The following NR6A1 variants were observed in gnomAD, a reference collection of about 807,000 sequenced individuals.
The protein encoded by NR6A1 is nuclear receptor subfamily 6 group A member 1, also known as retinoic acid receptor-related testis-associated receptor.
A neutral mutation model predicts 59.1 loss-of-function variants in NR6A1; 7 were observed. That is an observed-to-expected ratio of 0.12 (90% confidence interval 0.07 to 0.22). The LOEUF (loss-of-function observed/expected upper bound fraction) is 0.22. Among genes scored for constraint, NR6A1 ranks in the 10% least tolerant of loss-of-function variants. The probability of loss-of-function intolerance (pLI) is 1.00; values close to 1 mark genes in which losing one functional copy is unlikely to be tolerated. For missense variants in NR6A1, 468 were observed against 611.6 expected (o/e 0.77, Z 2.48); for synonymous variants, 243 against 236.1 (o/e 1.03, Z -0.27).
intron 2 of NR6A1, among the ~76,000 whole-genome samples, chr9:124,579,706 T>TC (rs1834705761): frequency 6.6e-6 from 1 of 152,158 alleles, no homozygotes; most frequent in South Asian, 2.1e-4. Flanking sequence ...AACAGTCTGA[T>TC]AGGTTCTTAT....
rs549970285 is a variant in NR6A1 at position 124,620,407 on chromosome 9, T to G, written c.143-65837A>C. On this transcript the variant is annotated intron_variant, in intron 2 of 9. Coordinates refer to ENST00000487099, the MANE Select transcript of NR6A1 (RefSeq NM_033334.4). Reference sequence around the variant, plus strand: ...CCAAAGACTTGCATGTGAATGTTCATAGTAGCATTATTCACAAATGCTCAT... The same window carrying G: ...CCAAAGACTTGCATGTGAATGTTCAGAGTAGCATTATTCACAAATGCTCAT... Among the ~76,000 whole-genome samples the G allele has an allele frequency of 6.0e-4, 91 of 152,348 alleles. 1 individual carries two copies. In the South Asian group the frequency reaches 0.018, roughly 31 times the overall value.
intron 7 of NR6A1, among the ~76,000 whole-genome samples, chr9:124,531,898 C>T (rs1833111917): frequency 1.3e-5 from 2 of 152,210 alleles, no homozygotes; most frequent in Non-Finnish European, 2.9e-5. Context: ...GGCCTTGTTC[C>T]CTTTTACGTG....
chr9:124,758,725 A>G (rs1840706474), intron 1 of NR6A1, among the ~76,000 whole-genome samples: 2 of 152,234 alleles, frequency 1.3e-5, no homozygotes, highest in Admixed American at 1.3e-4. Context: ...TAAAGCAGCC[A>G]AGGGTTCTAA....
chr9:124,770,473 G>C (rs1266675384), intron 1 of NR6A1, among the ~76,000 whole-genome samples: 1 of 151,646 alleles, frequency 6.6e-6, no homozygotes, highest in Non-Finnish European at 1.5e-5. Context: ...GCGGTACAAG[G>C]GTGCTGTGGA....
chr9:124,545,187 C>T (rs776053222), intron 3 of NR6A1, among the ~76,000 whole-genome samples: 17 of 152,224 alleles, frequency 1.1e-4, no homozygotes, highest in Non-Finnish European at 2.1e-4. Flanking sequence ...ACAAGTTTCT[C>T]TGCCTCTCTG....
At chr9:124,717,366 C>T (rs1839437026) in intron 2 of NR6A1, among the ~76,000 whole-genome samples, 2 of 152,100 alleles carry the variant, frequency 1.3e-5, no homozygotes, top group African/African-American at 4.8e-5. Flanking sequence ...AACTATGGTA[C>T]GGTCAAAGGA....
chr9:124,527,014 A>G, intron 7 of NR6A1, 114 bp from the exon 8 acceptor site: 5 of 1,269,776 alleles, frequency 3.9e-6, no homozygotes, highest in Non-Finnish European at 5.5e-6. Context: ...GGGAAATGGG[A>G]TCCAAAGCCA....
At chr9:124,566,207 C>T (rs768392198) in intron 2 of NR6A1, among the ~76,000 whole-genome samples, 1 of 152,150 alleles carries the variant, frequency 6.6e-6, no homozygotes, top group African/African-American at 2.4e-5. Flanking sequence ...CTATAGGATT[C>T]CATTTGTATT....
intron 7 of NR6A1, among the ~76,000 whole-genome samples, chr9:124,528,661 C>T (rs1833011216): frequency 6.6e-6 from 1 of 151,698 alleles, no homozygotes; most frequent in African/African-American, 2.4e-5. Flanking sequence ...TGACTGTTAT[C>T]ACTGCACTGG....
intron 2 of NR6A1, among the ~76,000 whole-genome samples, chr9:124,578,760 A>C (rs996434475): frequency 1.3e-5 from 2 of 152,240 alleles, no homozygotes; most frequent in Non-Finnish European, 2.9e-5. Flanking sequence ...CTAGAAGATG[A>C]AATAAAACCT....
chr9:124,726,193 T>C (rs1160925286), intron 2 of NR6A1, among the ~76,000 whole-genome samples: 2 of 152,160 alleles, frequency 1.3e-5, no homozygotes, highest in African/African-American at 4.8e-5. Context: ...ACATCGTTGT[T>C]AAGTAGTGAC....
chr9:124,637,899 A>AG (rs1331382782), intron 2 of NR6A1, among the ~76,000 whole-genome samples: 6 of 143,246 alleles, frequency 4.2e-5, no homozygotes, highest in Admixed American at 2.7e-4. Flanking sequence ...CTCCAAAAAA[A>AG]AAAAAAAAAA....
At chr9:124,667,775 C>T (rs922593134) in intron 2 of NR6A1, among the ~76,000 whole-genome samples, 3 of 152,130 alleles carry the variant, frequency 2.0e-5, no homozygotes, top group Middle Eastern at 3.2e-3. Flanking sequence ...TAGTGATATA[C>T]CTTGTAAAAT....
At position 124,526,851 on chromosome 9, in the gene NR6A1, G is replaced by C. The variant is rs374615385; in HGVS notation, c.1129C>G (p.His377Asp). ...CTGACCTTTAGCTGATGGAACTTGT[G>C]ATAGAGGTAGATGAGCCGCTCGATC... ...EVIERLIYLY[H>D]KFHQLKVSNE... is the part of the protein sequence containing the mutation. The change falls in exon 8 of 10, where the codon CAC becomes GAC. Residue 377 changes from histidine (H) to aspartate (D), a missense_variant. By Grantham distance (81) the His-to-Asp change is moderately conservative. Transcript: ENST00000487099. 6.2e-7 allele frequency: 1 copy of C among 1,613,982 alleles called. No individual in the cohort carries two copies. The highest frequency in any genetic ancestry group is 1.3e-5 in the African/African-American group (1 of 74,928).
At chr9:124,531,063 T>G (rs2131332454) in intron 7 of NR6A1, among the ~76,000 whole-genome samples, 1 of 152,342 alleles carries the variant, frequency 6.6e-6, no homozygotes, top group South Asian at 2.1e-4. Context: ...TTGTTAGCTG[T>G]TATCATTACA....
chr9:124,650,965 G>A (rs908435108), intron 2 of NR6A1, among the ~76,000 whole-genome samples: 2 of 152,198 alleles, frequency 1.3e-5, no homozygotes, highest in African/African-American at 4.8e-5. Flanking sequence ...CACTGGCAAT[G>A]CTTTAGTGAA....
At chr9:124,687,059 C>T (rs925986124) in intron 2 of NR6A1, among the ~76,000 whole-genome samples, 1 of 151,812 alleles carries the variant, frequency 6.6e-6, no homozygotes, top group Admixed American at 6.6e-5. Context: ...AAATACTGCC[C>T]TAGCACTAGG....
At chr9:124,643,828 T>A (rs1431447962) in intron 2 of NR6A1, among the ~76,000 whole-genome samples, 1 of 151,790 alleles carries the variant, frequency 6.6e-6, no homozygotes, top group African/African-American at 2.4e-5. Flanking sequence ...CAGAAAAAAT[T>A]AAATATATTT....
chr9:124,553,549 C>CTTTTTTTTTTTTTTTTTTTTT (rs780925768), intron 3 of NR6A1, among the ~76,000 whole-genome samples: 5 of 47,324 alleles, frequency 1.1e-4, no homozygotes, highest in African/African-American at 1.6e-4. Context: ...TTTAGCTTGA[C>CTTTTTTTTTTTTTTTTTTTTT]TTTTTTTTTT....
Sources: gnomAD v4.1 joint callset for allele counts (sites outside exome capture counted in the v4.1 genomes callset) on GRCh38, gnomAD v4.1.1 for gene constraint, MANE v1.5 for transcripts, NCBI Gene and HGNC (gene_info 2026-07-23, HGNC 2026-07-21) for gene names.